PRKAG2: variants seen among roughly 807,000 people sequenced by gnomAD.
PRKAG2 encodes the protein 5'-AMP-activated protein kinase subunit gamma-2.
PRKAG2 carries 26 observed loss-of-function variants against 69.6 expected under a neutral mutation model. The observed-to-expected ratio is 0.37, with a 90% confidence interval of 0.27 to 0.52. The LOEUF (loss-of-function observed/expected upper bound fraction) is 0.52, where lower values mean the gene tolerates loss of function less well. Ranked by LOEUF, PRKAG2 falls within the 20% of genes least tolerant of loss-of-function variation. PRKAG2 has a pLI of 0.90. For missense variants in PRKAG2, 557 were observed against 740.0 expected (o/e 0.75, Z 2.87); for synonymous variants, 293 against 285.0 (o/e 1.03, Z -0.28).
chr7:151,630,965 G>A (rs1314373660), intron 5 of PRKAG2, among the ~76,000 whole-genome samples: 1 of 152,202 alleles, frequency 6.6e-6, no homozygotes, highest in African/African-American at 2.4e-5. Flanking sequence ...CAGCTAACAT[G>A]TTTGTGAAAT....
intron 6 of PRKAG2, among the ~76,000 whole-genome samples, chr7:151,578,886 A>G (rs955357965): frequency 6.6e-6 from 1 of 152,256 alleles, no homozygotes; most frequent in Non-Finnish European, 1.5e-5. Context: ...TATATTATAG[A>G]AGAATATAGT....
chr7:151,831,583 G>A (rs750019319), intron 1 of PRKAG2, among the ~76,000 whole-genome samples: 23 of 152,194 alleles, frequency 1.5e-4, no homozygotes, highest in Non-Finnish European at 3.1e-4. Context: ...TATGGTCAGC[G>A]GAGTTCTGGG....
chr7:151,688,960 C>T (rs1835203559), intron 3 of PRKAG2, among the ~76,000 whole-genome samples: 1 of 152,128 alleles, frequency 6.6e-6, no homozygotes, highest in Non-Finnish European at 1.5e-5. Flanking sequence ...AGGAGCTATA[C>T]CCATTTTGCA....
In PRKAG2 at chr7:151,559,062, G is replaced by T. The variant is rs1391232452; in HGVS notation, c.1678+1462C>A. The T allele has an allele frequency of 4.1e-6, 4 of 985,188 alleles. No individual in the cohort carries two copies. In the East Asian group the frequency reaches 4.5e-4, roughly 112 times the overall value. 61.0% of individuals were successfully genotyped at this position (985,188 alleles called of 1,614,324 possible). On this transcript the variant is annotated intron_variant, in intron 15 of 15. Transcript: ENST00000287878. ...TGAAGGTGCCAAGCTATATACCTGT[G>T]GGGATAAATCTGCCCAGAGAAGAGG...
chr7:151,842,432 G>A (rs1478100325), intron 1 of PRKAG2, among the ~76,000 whole-genome samples: 1 of 149,144 alleles, frequency 6.7e-6, no homozygotes, highest in Non-Finnish European at 1.5e-5. Context: ...AGGTGGGGAT[G>A]GTAGTGATGG....
intron 1 of PRKAG2, among the ~76,000 whole-genome samples, chr7:151,832,390 T>G (rs2151877109): frequency 6.6e-6 from 1 of 152,218 alleles, no homozygotes; most frequent in African/African-American, 2.4e-5. Context: ...CTCCGACTTC[T>G]GGGCAGTGTT....
In PRKAG2 at chr7:151,828,380, G is replaced by A. The variant is rs11773373; in HGVS notation, c.115-41839C>T. On this transcript the variant is annotated intron_variant, in intron 1 of 15. Transcript: ENST00000287878. The surrounding 1 kb of genome is among the most constrained non-coding windows in gnomAD (Gnocchi z 4.6). ...ATTCATCTCTGCACAGTTCCTGATA[G>A]ACAGTGCATGCTCAGTAAATATTTG... Among the ~76,000 whole-genome samples the A allele has an allele frequency of 0.18, 27,733 of 152,188 alleles. 3,104 individuals are homozygous for A. Among genetic ancestry groups the A allele is most frequent in the Middle Eastern group, 0.27 (79 of 294 alleles).
chr7:151,592,036 G>A (rs187922892), intron 6 of PRKAG2, among the ~76,000 whole-genome samples: 4 of 152,210 alleles, frequency 2.6e-5, no homozygotes, highest in Admixed American at 1.3e-4. Flanking sequence ...ACCCTCTCTC[G>A]CCAGGCCGAG....
chr7:151,706,447 C>T (rs1838619000), intron 3 of PRKAG2, among the ~76,000 whole-genome samples: 1 of 152,078 alleles, frequency 6.6e-6, no homozygotes, highest in African/African-American at 2.4e-5. Flanking sequence ...AACTAGGGTC[C>T]CAAAAGGGTC....
In PRKAG2 at chr7:151,804,747, G is replaced by A. The variant is rs185685166; in HGVS notation, c.115-18206C>T. Among the ~76,000 whole-genome samples, 474 of 152,244 alleles carry A rather than the reference G, an allele frequency of 3.1e-3. 7 individuals carry two copies. The highest frequency in any genetic ancestry group is 2.7e-3 in the South Asian group (13 of 4,818). On this transcript the variant is annotated intron_variant, in intron 1 of 15. Transcript: ENST00000287878. ...TCTTTATTCCGTGGTGTTCCATCGC[G>A]GCACAGAGTCGGCACTTGAGGTGGC...
chr7:151,591,901 T>C (rs1428640423), intron 6 of PRKAG2, among the ~76,000 whole-genome samples: 1 of 152,134 alleles, frequency 6.6e-6, no homozygotes, highest in East Asian at 1.9e-4. Context: ...CCTGGCCGAC[T>C]GCACCAGGCC....
chr7:151,558,071 G>A, intron 15 of PRKAG2: 1 of 985,324 alleles, frequency 1.0e-6, no homozygotes, highest in Non-Finnish European at 1.2e-6. Context: ...CAATCTATTA[G>A]AGCGTGTGGC....
At chr7:151,774,973 T>C (rs1465071390) in intron 3 of PRKAG2, among the ~76,000 whole-genome samples, 2 of 152,168 alleles carry the variant, frequency 1.3e-5, no homozygotes, top group Admixed American at 6.5e-5. Context: ...GAAGTGGGCA[T>C]TACCTTGAGA....
chr7:151,579,039 C>T (rs1018647122), intron 6 of PRKAG2, among the ~76,000 whole-genome samples: 7 of 152,160 alleles, frequency 4.6e-5, no homozygotes, highest in Non-Finnish European at 1.0e-4. Context: ...GACAGGGTCT[C>T]ACTTTTTCAC....
chr7:151,592,758 G>A (rs1813537556), intron 6 of PRKAG2, among the ~76,000 whole-genome samples: 1 of 152,168 alleles, frequency 6.6e-6, no homozygotes, highest in South Asian at 2.1e-4. Flanking sequence ...CCTATGCGAG[G>A]ATTTATTTAA....
At chr7:151,787,679 G>A (rs1222947432) in intron 1 of PRKAG2, among the ~76,000 whole-genome samples, 1 of 151,786 alleles carries the variant, frequency 6.6e-6, no homozygotes, top group African/African-American at 2.4e-5. Flanking sequence ...TATGAATTGT[G>A]TCTCCCTTCC....
intron 1 of PRKAG2, among the ~76,000 whole-genome samples, chr7:151,789,211 T>C (rs2077156268): frequency 6.6e-6 from 1 of 152,250 alleles, no homozygotes; most frequent in Non-Finnish European, 1.5e-5. Context: ...GGGATTTTGA[T>C]AGGGATTGCA....
At chr7:151,854,593 T>C (rs1461582174) in intron 1 of PRKAG2, among the ~76,000 whole-genome samples, 1 of 152,214 alleles carries the variant, frequency 6.6e-6, no homozygotes, top group Non-Finnish European at 1.5e-5. Flanking sequence ...CCTCATGGAA[T>C]GCTAATGGCT....
intron 1 of PRKAG2, among the ~76,000 whole-genome samples, chr7:151,848,344 C>G (rs975522024): frequency 5.3e-5 from 8 of 152,076 alleles, no homozygotes; most frequent in Non-Finnish European, 1.2e-4. Context: ...AAGGTGCCAC[C>G]TTGGAAGCAG....
Sources: gnomAD v4.1 joint callset for allele counts (sites outside exome capture counted in the v4.1 genomes callset) on GRCh38, gnomAD v4.1.1 for gene constraint, Gnocchi (gnomAD v3.1) non-coding constraint, MANE v1.5 for transcripts, NCBI Gene and HGNC (gene_info 2026-07-23, HGNC 2026-07-21) for gene names.